ATE1: variants seen among roughly 807,000 people sequenced by gnomAD.
The protein encoded by ATE1 is arginyl-tRNA--protein transferase 1.
In ATE1, 36 loss-of-function variants were observed where a neutral mutation model predicts 70.5. The observed-to-expected ratio is 0.51, with a 90% CI of 0.39 to 0.67. The LOEUF (loss-of-function observed/expected upper bound fraction) is 0.67, where lower values mean the gene tolerates loss of function less well. Ranked by LOEUF, ATE1 falls within the 30% of genes least tolerant of loss-of-function variation. ATE1 has a pLI of 0.00. For synonymous variants in ATE1, 232 were observed against 219.3 expected, an observed-to-expected ratio of 1.06 and a Z score of -0.51; for missense variants, 593 against 629.5, an observed-to-expected ratio of 0.94 and a Z score of 0.62.
At chr10:121,824,239 T>A (rs2133618853) in intron 10 of ATE1, among the ~76,000 whole-genome samples, 1 of 152,320 alleles carries the variant, frequency 6.6e-6, no homozygotes, top group African/African-American at 2.4e-5. Context: ...AATCCAGTAT[T>A]TTGTCCTGTG....
intron 11 of ATE1, among the ~76,000 whole-genome samples, chr10:121,745,009 T>C (rs956584865): frequency 2.0e-5 from 3 of 152,176 alleles, no homozygotes; most frequent in Non-Finnish European, 2.9e-5. Context: ...GAGCTTACTT[T>C]CAGTTCAGCC....
chr10:121,765,021 C>T (rs192437523), intron 11 of ATE1, among the ~76,000 whole-genome samples: 919 of 152,320 alleles, frequency 6.0e-3, no homozygotes, highest in South Asian at 0.015. Flanking sequence ...AAGAACTCAA[C>T]ACTTCTGTCC....
intron 3 of ATE1, among the ~76,000 whole-genome samples, chr10:121,918,700 G>GGATA (rs1951757710): frequency 1.3e-5 from 2 of 151,362 alleles, no homozygotes; most frequent in South Asian, 2.1e-4. Context: ...GGACAGCACA[G>GGATA]GATACTCTGT....
intron 3 of ATE1, among the ~76,000 whole-genome samples, chr10:121,916,030 A>T (rs1951640835): frequency 6.6e-6 from 1 of 151,468 alleles, no homozygotes; most frequent in Admixed American, 6.6e-5. Flanking sequence ...AGGTCAGGAG[A>T]TGGAGACCAC....
intron 11 of ATE1, among the ~76,000 whole-genome samples, chr10:121,762,658 G>A (rs1001584015): frequency 5.3e-5 from 8 of 152,288 alleles, no homozygotes; most frequent in Middle Eastern, 6.8e-3. Context: ...TGTGCCCTGC[G>A]AGGGGATGGC....
chr10:121,814,506 A>T (rs17102615), intron 10 of ATE1, among the ~76,000 whole-genome samples: 4,969 of 152,308 alleles, frequency 0.033, 141 homozygotes, highest in African/African-American at 0.082. Flanking sequence ...ACTGCTGCAT[A>T]TCCAAGATAC....
chr10:121,867,447 A>T (rs1266854952), intron 8 of ATE1, among the ~76,000 whole-genome samples: 1 of 152,190 alleles, frequency 6.6e-6, no homozygotes. Context: ...TTTTGCTAAA[A>T]TGAGAGCAAA....
intron 11 of ATE1, among the ~76,000 whole-genome samples, chr10:121,766,880 TCGAA>T (rs971898618): frequency 1.5e-4 from 23 of 152,170 alleles, no homozygotes; most frequent in African/African-American, 5.1e-4. Flanking sequence ...CCTGGAAAAT[TCGAA>T]CAAACATTTA....
intron 5 of ATE1, among the ~76,000 whole-genome samples, chr10:121,905,054 C>T (rs1295497358): frequency 6.6e-6 from 1 of 152,204 alleles, no homozygotes; most frequent in African/African-American, 2.4e-5. Flanking sequence ...AGCACACACA[C>T]TCTGTCTGAC....
chr10:121,766,676 CAAAACA>C (rs1243152166), intron 11 of ATE1, among the ~76,000 whole-genome samples: 1 of 151,892 alleles, frequency 6.6e-6, no homozygotes, highest in Non-Finnish European at 1.5e-5. Flanking sequence ...ACACAAAAAG[CAAAACA>C]AAAACAAAAA....
intron 11 of ATE1, among the ~76,000 whole-genome samples, chr10:121,775,082 A>G (rs1945679030): frequency 1.3e-5 from 2 of 152,178 alleles, no homozygotes. Context: ...TTTTAAACAT[A>G]CGGTACACAG....
chr10:121,751,160 T>C (rs900899251), intron 11 of ATE1, among the ~76,000 whole-genome samples: 2 of 152,228 alleles, frequency 1.3e-5, no homozygotes, highest in African/African-American at 4.8e-5. Context: ...CATGTTCATA[T>C]TCTATAAAGT....
intron 8 of ATE1, among the ~76,000 whole-genome samples, chr10:121,847,683 G>C (rs1948884156): frequency 6.9e-6 from 1 of 145,544 alleles, no homozygotes; most frequent in African/African-American, 2.6e-5. Flanking sequence ...GCTTGAACCA[G>C]GGAGTCAGAG....
chr10:121,871,729 CAAAAAAAAAG>C (rs1949867903), intron 7 of ATE1, among the ~76,000 whole-genome samples: 1 of 145,248 alleles, frequency 6.9e-6, no homozygotes, highest in Admixed American at 6.9e-5. Context: ...CAGTAGGAAG[CAAAAAAAAAG>C]GAAAGAAAAG....
chr10:121,917,254 C>CT (rs1394967614), intron 3 of ATE1, among the ~76,000 whole-genome samples: 5 of 152,106 alleles, frequency 3.3e-5, no homozygotes, highest in Admixed American at 2.0e-4. Context: ...CCACAAGGGA[C>CT]TTTTCTCAAG....
At chr10:121,853,758 G>C (rs7083278) in intron 8 of ATE1, among the ~76,000 whole-genome samples, 21,187 of 152,090 alleles carry the variant, frequency 0.14, 1,601 homozygotes, top group East Asian at 0.19. Context: ...ATATACCTTA[G>C]ACTGGGCATT....
intron 7 of ATE1, among the ~76,000 whole-genome samples, chr10:121,880,967 T>C (rs915999474): frequency 5.3e-5 from 8 of 152,234 alleles, no homozygotes; most frequent in African/African-American, 1.7e-4. Context: ...TTCTATCACA[T>C]GAGCTTTGCA....
intron 4 of ATE1, among the ~76,000 whole-genome samples, chr10:121,913,037 G>A (rs1028441259): frequency 3.3e-5 from 5 of 151,916 alleles, no homozygotes; most frequent in African/African-American, 7.3e-5. Flanking sequence ...CTGCCACCAC[G>A]CCAGGCTAAT....
chr10:121,748,738 G>A (rs1249746047), intron 11 of ATE1, among the ~76,000 whole-genome samples: 1 of 151,708 alleles, frequency 6.6e-6, no homozygotes, highest in Non-Finnish European at 1.5e-5. Context: ...ATCTTATAAA[G>A]CAGATATTGA....
Sources: gnomAD v4.1 joint callset for allele counts (sites outside exome capture counted in the v4.1 genomes callset) on GRCh38, gnomAD v4.1.1 for gene constraint, MANE v1.5 for transcripts, NCBI Gene and HGNC (gene_info 2026-07-23, HGNC 2026-07-21) for gene names.